Variants in AKTIP observed in about 807,000 individuals in gnomAD.
AKTIP encodes AKT interacting protein.
Under a neutral mutation model 39.1 loss-of-function variants are expected in AKTIP, and 16 were observed. That is an observed-to-expected ratio of 0.41 (90% confidence interval 0.28 to 0.62). The LOEUF is 0.62. Ranked by LOEUF, AKTIP falls within the 20% of genes least tolerant of loss-of-function variation. The probability of loss-of-function intolerance (pLI) is 0.32; values close to 1 mark genes in which losing one functional copy is unlikely to be tolerated. For synonymous variants in AKTIP, 93 were observed against 124.3 expected, an observed-to-expected ratio of 0.75 and a Z score of 1.67; for missense variants, 262 against 356.6, an observed-to-expected ratio of 0.73 and a Z score of 2.14.
chr16:53,494,944 C>G (rs79779478), intron 5 of AKTIP, 129 bp downstream of exon 5: 6 of 873,278 alleles, frequency 6.9e-6, no homozygotes, highest in African/African-American at 5.0e-5. Context: ...GCACAGAAGT[C>G]CCCCTGGACA....
chr16:53,501,350 T>TA (rs1321578493), intron 1 of AKTIP: 3 of 152,170 alleles, frequency 2.0e-5, no homozygotes, highest in African/African-American at 7.2e-5. Flanking sequence ...ATTTCACAAG[T>TA]ACAGATCTTC....
intron 1 of AKTIP, 52 bp from the exon 2 acceptor site, chr16:53,500,381 CT>C (rs377620568): frequency 0.19 from 176,178 of 913,372 alleles, 1 homozygote; most frequent in South Asian, 0.25. Context: ...ACCATTAAGA[CT>C]TTTTTTTTTT....
At chr16:53,499,343 G>A (rs191846850) in intron 2 of AKTIP, among the ~76,000 whole-genome samples, 33 of 151,916 alleles carry the variant, frequency 2.2e-4, no homozygotes, top group African/African-American at 7.7e-4. Flanking sequence ...TGCCAATGTA[G>A]CAAAACTAAA....
chr16:53,493,821 G>A (rs1961653774), intron 8 of AKTIP: 1 of 307,004 alleles, frequency 3.3e-6, no homozygotes, highest in Admixed American at 4.5e-5. Context: ...GGCAGTTTAA[G>A]AGGGGCTCCA....
chr16:53,497,901 A>G (rs545736704), intron 3 of AKTIP, among the ~76,000 whole-genome samples: 1 of 152,272 alleles, frequency 6.6e-6, no homozygotes, highest in East Asian at 1.9e-4. Context: ...GGCGCCTGCC[A>G]TCAAACCTGG....
intron 3 of AKTIP, among the ~76,000 whole-genome samples, chr16:53,497,824 A>G (rs1961931905): frequency 6.6e-6 from 1 of 152,218 alleles, no homozygotes; most frequent in Admixed American, 6.5e-5. Flanking sequence ...ATCTCGGCTC[A>G]CTGCAACCTC....
At chr16:53,498,147 A>G (rs1011649377) in intron 3 of AKTIP, among the ~76,000 whole-genome samples, 2 of 152,172 alleles carry the variant, frequency 1.3e-5, no homozygotes, top group Non-Finnish European at 2.9e-5. Flanking sequence ...AATCTTATTC[A>G]CCCGAGCTCT....
At position 53,500,305 on chromosome 16, in the gene AKTIP, C is replaced by A. The variant is rs1388583915; in HGVS notation, c.-46G>T. On this transcript the variant is annotated 5_prime_UTR_variant, in exon 2 of 10. Coordinates refer to ENST00000394657, the MANE Select transcript of AKTIP (RefSeq NM_022476.4). Reference sequence around the variant, plus strand: ...AAAGTCAGTGGTGTATCATCCAAATCTTCTGTCTTCGGCATTCACTTTACC... The same window carrying A: ...AAAGTCAGTGGTGTATCATCCAAATATTCTGTCTTCGGCATTCACTTTACC... 1.9e-6 allele frequency: 3 copies of A among 1,602,774 alleles called. No homozygotes were observed. Among genetic ancestry groups the A allele is most frequent in the Admixed American group, 3.5e-5 (2 of 57,590 alleles).
Position 53,492,495 on chromosome 16 carries a change from T to C in AKTIP, c.796A>G (p.Ser266Gly). ...QKKPEEQHNK[S>G]VHVAGLSWVK... is the part of the protein sequence containing the mutation. ...CATGACAGGCCAGCAACATGAACAC[T>C]TTTATTGTGCTGTTCTTCAGGCTTC... The change falls in exon 10 of 10, where the codon AGT (serine) becomes GGT (glycine). Residue 266 changes from serine (S) to glycine (G), a missense_variant. Physicochemically the swap from Ser to Gly is moderately conservative, Grantham distance 56. Coordinates refer to ENST00000394657, the MANE Select transcript of AKTIP (RefSeq NM_022476.4). The C allele has an allele frequency of 6.2e-7, 1 of 1,614,170 alleles. No homozygotes were observed. The highest frequency in any genetic ancestry group is 8.5e-7 in the Non-Finnish European group (1 of 1,180,030).
chr16:53,500,244 T>C lies in AKTIP; in HGVS notation c.16A>G (p.Ser6Gly). 6.2e-7 allele frequency: 1 copy of C among 1,613,204 alleles called. No individual in the cohort carries two copies. The highest frequency in any genetic ancestry group is 2.2e-5 in the East Asian group (1 of 44,818). ...TTGCGTACAGAGCTTGTAGACATGC[T>C]CCAGAAAGGGTTCATAACGTGTATT... Reference protein sequence around the residue: MNPFWSMSTSSVRKRS... With the variant: MNPFWGMSTSSVRKRS... Residue 6 changes from serine to glycine, a missense_variant, in exon 2 of 10, where the codon AGC becomes GGC. Physicochemically the swap from Ser to Gly is moderately conservative, Grantham distance 56 (BLOSUM62 0). Transcript: ENST00000394657.
rs143575360 is a variant in AKTIP, at chr16:53,492,498, T to C, written c.793A>G (p.Lys265Glu). ...TQKKPEEQHNKSVHVAGLSWV... is the reference protein window; with the variant it reads ...TQKKPEEQHNESVHVAGLSWV... ...GACAGGCCAGCAACATGAACACTTTTATTGTGCTGTTCTTCAGGCTTCTTC... is the reference window on the plus strand; with the variant it reads ...GACAGGCCAGCAACATGAACACTTTCATTGTGCTGTTCTTCAGGCTTCTTC... Residue 265 changes from lysine (K) to glutamate (E), a missense_variant, in exon 10 of 10, where the codon AAA becomes GAA. Physicochemically the swap from Lys to Glu is moderately conservative, Grantham distance 56 (BLOSUM62 1). Coordinates refer to ENST00000394657, the MANE Select transcript of AKTIP (RefSeq NM_022476.4). 4.3e-6 allele frequency: 7 copies of C among 1,614,060 alleles called. No homozygotes were observed. Among genetic ancestry groups the C allele is most frequent in the African/African-American group, 2.7e-5 (2 of 74,938 alleles).
chr16:53,501,202 A>G (rs1184948390), intron 1 of AKTIP: 1 of 152,242 alleles, frequency 6.6e-6, no homozygotes, highest in African/African-American at 2.4e-5. Context: ...CGACAAAAGT[A>G]GTTACCTGAG....
chr16:53,492,877 A>C lies in AKTIP; in HGVS notation c.711-124T>G, dbSNP rs138336372. 15 of 779,102 alleles carry C rather than the reference A, an allele frequency of 1.9e-5. No homozygotes were observed. In the East Asian group the frequency reaches 3.7e-4, roughly 19 times the overall value. 48.3% of individuals were successfully genotyped at this position (779,102 alleles called of 1,614,324 possible). On this transcript the variant is annotated intron_variant, in intron 8 of 9. Coordinates refer to ENST00000394657, the MANE Select transcript of AKTIP (RefSeq NM_022476.4). Reference sequence around the variant, plus strand: ...AGCACAGTATTTTTTATTGTTGTCGACATGTATGTTTTAGACATTATCTAA... The same window carrying C: ...AGCACAGTATTTTTTATTGTTGTCGCCATGTATGTTTTAGACATTATCTAA...
rs1961416098 is a variant in AKTIP, at chr16:53,491,093, C to T, written c.*1319G>A. On this transcript the variant is annotated 3_prime_UTR_variant, in exon 10 of 10. Transcript: ENST00000394657. ...TTATATTTTTTTAAAATGTTAAAAC[C>T]CCTATAGCCACCTTTTGGGAATGTT... 6.6e-6 allele frequency: 1 copy of T among 152,416 alleles called. No individual in the cohort carries two copies. Among genetic ancestry groups the T allele is most frequent in the East Asian group, 1.9e-4 (1 of 5,196 alleles). The allele number at this position is 152,416 out of a possible 1,614,324, so 9.4% of individuals were successfully genotyped here.
intron 8 of AKTIP, 155 bp downstream of exon 8, chr16:53,493,983 G>A (rs768125631): frequency 5.0e-6 from 3 of 602,584 alleles, no homozygotes; most frequent in East Asian, 5.5e-5. Context: ...GCCTCAAGAG[G>A]CATCAGAAAT....
intron 3 of AKTIP, 92 bp downstream of exon 3, chr16:53,498,299 G>A: frequency 7.6e-7 from 1 of 1,307,480 alleles, no homozygotes; most frequent in Non-Finnish European, 1.1e-6. Context: ...GAGATTAAAT[G>A]TCTGCCCTTT....
At chr16:53,502,573 A>G (rs941579230) in intron 1 of AKTIP, 6 of 151,774 alleles carry the variant, frequency 4.0e-5, no homozygotes, top group Non-Finnish European at 7.4e-5. Context: ...CAGGGGCCAG[A>G]AAAAAAAAGA....
chr16:53,501,089 GC>G (rs1273220903), intron 1 of AKTIP: 1 of 152,240 alleles, frequency 6.6e-6, no homozygotes, highest in Non-Finnish European at 1.5e-5. Context: ...GCTGATTTAA[GC>G]GCTGCCTCAA....
At chr16:53,498,283 A>G (rs1961961249) in intron 3 of AKTIP, 108 bp downstream of exon 3, 1 of 1,140,748 alleles carries the variant, frequency 8.8e-7, no homozygotes, top group Non-Finnish European at 1.3e-6. Flanking sequence ...GACAGGTTTG[A>G]GCTTTGAGAT....
Sources: allele counts gnomAD v4.1 joint callset (sites outside exome capture counted in the v4.1 genomes callset), GRCh38; gene constraint gnomAD v4.1.1; transcripts MANE v1.5; gene names NCBI Gene and HGNC (gene_info 2026-07-23, HGNC 2026-07-21).